MCC: variants seen among roughly 807,000 people sequenced by gnomAD.
MCC encodes the protein colorectal mutant cancer protein.
Under a neutral mutation model 116.2 loss-of-function variants are expected in MCC, and 90 were observed. That is an observed-to-expected ratio of 0.77 (90% CI 0.65 to 0.92). MCC has a LOEUF of 0.92. Ranked by LOEUF, MCC falls within the 40% of genes least tolerant of loss-of-function variation. The probability of loss-of-function intolerance (pLI) is 0.00; values close to 1 mark genes in which losing one functional copy is unlikely to be tolerated. For missense variants in MCC, 1,516 were observed against 1,312.2 expected (o/e 1.16, Z -2.40); for synonymous variants, 578 against 510.5 (o/e 1.13, Z -1.78).
chr5:113,101,926 C>A lies in MCC; in HGVS notation c.1211G>T (p.Gly404Val), dbSNP rs776259458. The A allele has an allele frequency of 3.7e-6, 6 of 1,613,870 alleles. No homozygotes were observed. In the South Asian group the frequency reaches 4.4e-5, roughly 12 times the overall value. ...LAIKTVEEIE[G>V]VLGRDLYPNL... ...GGGATACAGGTCCCGGCCAAGCACC[C>A]CCTCAATCTCCTCGACTGTCTGTAA... Residue 404 changes from glycine (G) to valine (V), a missense_variant, in exon 8 of 19, where the codon GGG (glycine) becomes GTG (valine). Coordinates refer to ENST00000408903, the MANE Select transcript of MCC (RefSeq NM_001085377.2).
chr5:113,165,444 C>T (rs1760717048), intron 3 of MCC, among the ~76,000 whole-genome samples: 1 of 152,108 alleles, frequency 6.6e-6, no homozygotes, highest in African/African-American at 2.4e-5. Flanking sequence ...CCTTTTTTGT[C>T]CCCTTAATTT....
chr5:113,394,430 T>C (rs1476607314), intron 1 of MCC, among the ~76,000 whole-genome samples: 1 of 152,196 alleles, frequency 6.6e-6, no homozygotes, highest in Non-Finnish European at 1.5e-5. Flanking sequence ...TTTAGCTTCA[T>C]ACCCAAGTTT....
intron 2 of MCC, among the ~76,000 whole-genome samples, chr5:113,370,772 A>AC (rs1207934665): frequency 1.3e-5 from 2 of 152,020 alleles, no homozygotes; most frequent in Non-Finnish European, 2.9e-5. Context: ...ATACACAGAC[A>AC]CCCCCTCCCC....
At chr5:113,196,431 C>T (rs1189591954) in intron 3 of MCC, among the ~76,000 whole-genome samples, 2 of 152,158 alleles carry the variant, frequency 1.3e-5, no homozygotes, top group Non-Finnish European at 2.9e-5. Flanking sequence ...TCAACTCCAG[C>T]ATTTGTTGCT....
At chr5:113,132,451 C>CATATATAT (rs1405150950) in intron 5 of MCC, among the ~76,000 whole-genome samples, 3 of 124,462 alleles carry the variant, frequency 2.4e-5, no homozygotes, top group East Asian at 2.2e-4. Context: ...TATACACACA[C>CATATATAT]ACACACACAC....
intron 15 of MCC, 98 bp from the exon 16 acceptor site, chr5:113,049,397 C>T (rs1752342638): frequency 2.1e-6 from 2 of 957,988 alleles, no homozygotes. Flanking sequence ...CGGCTATGAC[C>T]CACAGGCCCA....
In MCC at chr5:113,249,139, G is replaced by GCTCTCTCT. The variant is rs57174154; in HGVS notation, c.627+91372_627+91379dup. Among the ~76,000 whole-genome samples the GCTCTCTCT allele has an allele frequency of 1.5e-3, 222 of 149,338 alleles. 3 individuals are homozygous for GCTCTCTCT. The highest frequency in any genetic ancestry group is 0.011 in the East Asian group (58 of 5,074). ...TTACAGGCGTGAGCCACCGCACCCA[G>GCTCTCTCT]CTCTCTCTCTCTCTCTCTCTCTAAA... On this transcript the variant is annotated intron_variant, in intron 3 of 18. Coordinates refer to ENST00000408903, the MANE Select transcript of MCC (RefSeq NM_001085377.2).
At chr5:113,135,865 G>A (rs1021152784) in intron 5 of MCC, among the ~76,000 whole-genome samples, 1 of 152,064 alleles carries the variant, frequency 6.6e-6, no homozygotes, top group African/African-American at 2.4e-5. Flanking sequence ...CCAATATGGT[G>A]AAACCCCATC....
intron 1 of MCC, among the ~76,000 whole-genome samples, chr5:113,428,131 C>T (rs575985027): frequency 6.6e-6 from 1 of 152,114 alleles, no homozygotes; most frequent in African/African-American, 2.4e-5. Flanking sequence ...CAACTATTAA[C>T]CAGTCCCAGC....
At chr5:113,057,181 C>A (rs1014536814) in intron 14 of MCC, among the ~76,000 whole-genome samples, 1 of 152,090 alleles carries the variant, frequency 6.6e-6, no homozygotes, top group Non-Finnish European at 1.5e-5. Context: ...AGAGGGAGTG[C>A]GTGGGAGGGG....
At chr5:113,469,926 C>A (rs1772033093) in intron 1 of MCC, among the ~76,000 whole-genome samples, 1 of 152,182 alleles carries the variant, frequency 6.6e-6, no homozygotes, top group African/African-American at 2.4e-5. Context: ...GATCCCTTTA[C>A]CATTATGTAA....
At position 113,071,095 on chromosome 5, in the gene MCC, T is replaced by C; in HGVS notation, c.1924A>G (p.Ser642Gly). ...CCAAACATCCCAGTGTGTGCCTACC[T>C]GTACTGCAAGGCCAGCCTCAGCGCT... ...ATALRLALQY[S>G]EQCIEAYELL... The change falls in exon 12 of 19, where the codon AGC becomes GGC. Residue 642 changes from serine to glycine, a missense_variant and splice_region_variant. By Grantham distance (56) the Ser-to-Gly change is moderately conservative. Transcript: ENST00000408903. 1 of 1,568,442 alleles carries C rather than the reference T, an allele frequency of 6.4e-7. No homozygotes were observed. The highest frequency in any genetic ancestry group is 1.1e-5 in the South Asian group (1 of 89,344).
chr5:113,083,608 G>C (rs1039696207), intron 10 of MCC, among the ~76,000 whole-genome samples: 1 of 152,146 alleles, frequency 6.6e-6, no homozygotes, highest in African/African-American at 2.4e-5. Flanking sequence ...AGCTCTTACA[G>C]TCCCAGGGGG....
intron 1 of MCC, among the ~76,000 whole-genome samples, chr5:113,432,130 G>A (rs1008133158): frequency 1.3e-5 from 2 of 151,230 alleles, no homozygotes; most frequent in African/African-American, 4.9e-5. Flanking sequence ...GCGAGACTCC[G>A]TCTCAAAAAA....
chr5:113,289,983 A>G (rs1561509230), intron 3 of MCC, among the ~76,000 whole-genome samples: 1 of 152,340 alleles, frequency 6.6e-6, no homozygotes, highest in East Asian at 1.9e-4. Context: ...GGGTGTGTGA[A>G]TACTAGGTGA....
intron 3 of MCC, chr5:113,294,650 G>A: frequency 3.6e-6 from 4 of 1,099,740 alleles, no homozygotes; most frequent in Non-Finnish European, 4.4e-6. Context: ...GGCGGAGCCC[G>A]CGCGGGGACC....
chr5:113,395,621 A>C (rs1039582706), intron 1 of MCC, among the ~76,000 whole-genome samples: 1 of 152,106 alleles, frequency 6.6e-6, no homozygotes, highest in Non-Finnish European at 1.5e-5. Context: ...CTTTCCCCCC[A>C]GGCTGCTGTT....
intron 16 of MCC, chr5:113,048,880 T>A: frequency 3.4e-6 from 2 of 595,480 alleles, no homozygotes; most frequent in Non-Finnish European, 3.0e-6. Context: ...AAGGTTCAAC[T>A]ATTACATAAA....
At chr5:113,131,545 G>A (rs1275274681) in intron 5 of MCC, among the ~76,000 whole-genome samples, 2 of 152,166 alleles carry the variant, frequency 1.3e-5, no homozygotes, top group African/African-American at 4.8e-5. Flanking sequence ...TGCACTGCAT[G>A]TTTCAAGTAG....
Sources: allele counts gnomAD v4.1 joint callset (sites outside exome capture counted in the v4.1 genomes callset), GRCh38; gene constraint gnomAD v4.1.1; transcripts MANE v1.5; gene names NCBI Gene and HGNC (gene_info 2026-07-23, HGNC 2026-07-21).